FAT4: variants seen among roughly 807,000 people sequenced by gnomAD.
The protein encoded by FAT4 is protocadherin Fat 4.
FAT4 carries 84 observed loss-of-function variants against 303.9 expected under a neutral mutation model. The ratio of observed to expected loss-of-function variants is 0.28; its 90% confidence interval spans 0.23 to 0.33. FAT4 has a LOEUF of 0.33. Ranked by LOEUF, FAT4 falls within the 10% of genes least tolerant of loss-of-function variation. FAT4 has a pLI of 1.00. For synonymous variants in FAT4, 2,307 were observed against 2,298.8 expected, an observed-to-expected ratio of 1.00 and a Z score of -0.10; for missense variants, 6,005 against 6,146.8, an observed-to-expected ratio of 0.98 and a Z score of 0.77.
chr4:125,491,314 A>G lies in FAT4; in HGVS notation c.14498A>G (p.Asp4833Gly). The change falls in exon 18 of 18, where the codon GAT becomes GGT. Residue 4833 changes from aspartate (D) to glycine (G), a missense_variant. Coordinates refer to ENST00000394329, the MANE Select transcript of FAT4 (RefSeq NM_001291303.3). ...RPLSRTRNPADGIPAPESSSD... is the reference protein window; with the variant it reads ...RPLSRTRNPAGGIPAPESSSD... ...CTGTCTAGAACAAGGAATCCAGCGG[A>G]TGGCATTCCAGCTCCAGAATCCTCT... 1 of 1,614,188 alleles carries G rather than the reference A, an allele frequency of 6.2e-7. No homozygotes were observed. Among genetic ancestry groups the G allele is most frequent in the South Asian group, 1.1e-5 (1 of 91,082 alleles).
intron 3 of FAT4, among the ~76,000 whole-genome samples, chr4:125,405,505 T>C (rs1304404890): frequency 1.3e-5 from 2 of 151,978 alleles, no homozygotes; most frequent in Non-Finnish European, 2.9e-5. Context: ...ATTTTTTATA[T>C]ACTTGTTGGC....
rs370900035 is a variant in FAT4, at chr4:125,446,476, C to A, written c.7383C>A (p.Val2461=). The A allele has an allele frequency of 1.4e-5, 22 of 1,613,330 alleles. No homozygotes were observed. Among genetic ancestry groups the A allele is most frequent in the Non-Finnish European group, 1.8e-5 (21 of 1,179,510 alleles). Residue 2461 remains valine, a synonymous_variant, in exon 9 of 18, where the codon GTC becomes GTA. Coordinates refer to ENST00000394329, the MANE Select transcript of FAT4 (RefSeq NM_001291303.3). ...GTGTGCTTGTCACTGTGACTGATGT[C>A]AATGACAATCCACCAAGATTTCAGC... ...STSVLVTVTD[V]NDNPPRFQHH...
In FAT4 at chr4:125,415,328, T is replaced by A; in HGVS notation, c.6365T>A (p.Leu2122Gln). The A allele has an allele frequency of 6.2e-7, 1 of 1,614,068 alleles. No individual in the cohort carries two copies. Among genetic ancestry groups the A allele is most frequent in the Non-Finnish European group, 8.5e-7 (1 of 1,179,982 alleles). The change falls in exon 6 of 18, where the codon CTA (leucine) becomes CAA (glutamine). Residue 2122 changes from leucine to glutamine, a missense_variant. Leu to Gln is a moderately radical substitution (Grantham distance 113). Coordinates refer to ENST00000394329, the MANE Select transcript of FAT4 (RefSeq NM_001291303.3). ...LDREEVSNYT[L>Q]TVVATDKGQP... Reference sequence around the variant, plus strand: ...AGAGAAGAAGTTTCTAATTATACTCTAACAGTGGTGGCTACAGACAAAGGT... The same window carrying A: ...AGAGAAGAAGTTTCTAATTATACTCAAACAGTGGTGGCTACAGACAAAGGT...
chr4:125,406,131 A>G (rs564775167), intron 3 of FAT4, among the ~76,000 whole-genome samples: 2 of 152,230 alleles, frequency 1.3e-5, no homozygotes, highest in African/African-American at 4.8e-5. Flanking sequence ...TAGGAGTTCT[A>G]TAGTTTCAGG....
chr4:125,417,271 A>G (rs1186318347), intron 7 of FAT4, among the ~76,000 whole-genome samples: 8 of 152,074 alleles, frequency 5.3e-5, no homozygotes, highest in Admixed American at 5.2e-4. Flanking sequence ...AAACATGTAG[A>G]TGGTTCCAAC....
chr4:125,385,146 T>A (rs1015825606), intron 2 of FAT4, among the ~76,000 whole-genome samples: 3 of 151,252 alleles, frequency 2.0e-5, no homozygotes, highest in Non-Finnish European at 4.4e-5. Context: ...CTCAGCCTCC[T>A]GAGTAGCTGG....
Position 125,414,952 on chromosome 4 carries a change from A to C in FAT4, c.5989A>C (p.Asn1997His). ...CCTTGGGCAGTTTACTGTTGACAAG[A>C]ATGGTGTACTCAAAGTCCTAAAAGC... Reference protein sequence around the residue: ...DSLGQFTVDKNGVLKVLKALD... With the variant: ...DSLGQFTVDKHGVLKVLKALD... The change falls in exon 6 of 18, where the codon AAT becomes CAT. Residue 1997 changes from asparagine to histidine, a missense_variant. By Grantham distance (68) the Asn-to-His change is moderately conservative (BLOSUM62 1). Coordinates refer to ENST00000394329, the MANE Select transcript of FAT4 (RefSeq NM_001291303.3). The C allele has an allele frequency of 1.2e-6, 2 of 1,613,882 alleles. No homozygotes were observed. Among genetic ancestry groups the C allele is most frequent in the Non-Finnish European group, 1.7e-6 (2 of 1,179,814 alleles).
chr4:125,363,517 G>A (rs1732750932), intron 2 of FAT4, among the ~76,000 whole-genome samples: 1 of 150,736 alleles, frequency 6.6e-6, no homozygotes, highest in African/African-American at 2.4e-5. Context: ...ATTTTTTTGA[G>A]AAAGAATCTT....
At chr4:125,368,247 A>C (rs1241903580) in intron 2 of FAT4, among the ~76,000 whole-genome samples, 1 of 152,072 alleles carries the variant, frequency 6.6e-6, no homozygotes, top group East Asian at 1.9e-4. Flanking sequence ...ATTTGATTGA[A>C]AAAGTCATTT....
chr4:125,446,221 T>C, intron 8 of FAT4, 72 bp from the exon 9 acceptor site: 1 of 1,349,192 alleles, frequency 7.4e-7, no homozygotes, highest in Non-Finnish European at 1.0e-6. Flanking sequence ...ACCTCAGTTT[T>C]TTAATTATAG....
chr4:125,341,746 A>G (rs1271677190), intron 2 of FAT4, among the ~76,000 whole-genome samples: 1 of 152,072 alleles, frequency 6.6e-6, no homozygotes, highest in Non-Finnish European at 1.5e-5. Context: ...CAAGAGAAAA[A>G]AATTGTAACT....
intron 2 of FAT4, among the ~76,000 whole-genome samples, chr4:125,362,340 A>G (rs1275687221): frequency 4.6e-5 from 7 of 152,138 alleles, no homozygotes; most frequent in Non-Finnish European, 1.5e-5. Context: ...GTCCAGTGTA[A>G]GAGAACATTC....
At chr4:125,377,944 A>G (rs755578060) in intron 2 of FAT4, among the ~76,000 whole-genome samples, 3 of 152,122 alleles carry the variant, frequency 2.0e-5, no homozygotes, top group Non-Finnish European at 4.4e-5. Context: ...CTTTAATAAC[A>G]GTTTGCTCAA....
chr4:125,350,070 C>A (rs1578548257), intron 2 of FAT4, among the ~76,000 whole-genome samples: 1 of 151,554 alleles, frequency 6.6e-6, no homozygotes, highest in Non-Finnish European at 1.5e-5. Flanking sequence ...TAAAAATGTA[C>A]CTTTCACATA....
intron 2 of FAT4, among the ~76,000 whole-genome samples, chr4:125,360,898 AT>A (rs892491561): frequency 3.5e-5 from 5 of 144,520 alleles, no homozygotes; most frequent in African/African-American, 1.0e-4. Context: ...TATTTATTAA[AT>A]TTTTTATTTA....
rs964631600 is a variant in FAT4, at chr4:125,489,601, G to A, written c.13085-300G>A. 2.6e-5 allele frequency among the ~76,000 whole-genome samples: 4 copies of A among 152,232 alleles called. No individual in the cohort carries two copies. The South Asian group carries it at 8.3e-4, about 32-fold the overall frequency. ...AAAGGAAGGAAATTGATAAATAAAT[G>A]AGTAAGAAAAAGAAAATTCAGCCTG... On this transcript the variant is annotated intron_variant, in intron 17 of 17. Coordinates refer to ENST00000394329, the MANE Select transcript of FAT4 (RefSeq NM_001291303.3).
chr4:125,413,826 T>C (rs1179038523), intron 5 of FAT4, among the ~76,000 whole-genome samples: 1 of 152,002 alleles, frequency 6.6e-6, no homozygotes, highest in Non-Finnish European at 1.5e-5. Flanking sequence ...TCACTTCTCA[T>C]AGGTAGAATT....
intron 2 of FAT4, among the ~76,000 whole-genome samples, chr4:125,373,346 T>TA (rs1171600446): frequency 1.3e-5 from 2 of 152,270 alleles, no homozygotes; most frequent in Non-Finnish European, 2.9e-5. Context: ...ATGTTGTTTT[T>TA]ATCTTAATTA....
At chr4:125,374,741 T>C (rs1194783649) in intron 2 of FAT4, among the ~76,000 whole-genome samples, 1 of 152,188 alleles carries the variant, frequency 6.6e-6, no homozygotes, top group Non-Finnish European at 1.5e-5. Context: ...TGCTGAATTC[T>C]CCACTCAATG....
Sources: allele counts gnomAD v4.1 joint callset (sites outside exome capture counted in the v4.1 genomes callset), GRCh38; gene constraint gnomAD v4.1.1; transcripts MANE v1.5; gene names NCBI Gene and HGNC (gene_info 2026-07-23, HGNC 2026-07-21).